Variants in EGFLAM observed in about 807,000 individuals in gnomAD.
EGFLAM encodes the protein EGF like, fibronectin type III and laminin G domains.
A neutral mutation model predicts 113.1 loss-of-function variants in EGFLAM; 79 were observed. That is an observed-to-expected ratio of 0.70 (90% CI 0.58 to 0.84). The LOEUF (loss-of-function observed/expected upper bound fraction) is 0.84, where lower values mean the gene tolerates loss of function less well. EGFLAM is among the 40% of genes least tolerant of loss of function. The pLI is 0.00. For synonymous variants in EGFLAM, 504 were observed against 487.6 expected (o/e 1.03, Z -0.44); for missense variants, 1,265 against 1,291.6 (o/e 0.98, Z 0.32).
chr5:38,272,240 G>A (rs1757781748), intron 1 of EGFLAM, among the ~76,000 whole-genome samples: 1 of 152,166 alleles, frequency 6.6e-6, no homozygotes, highest in Admixed American at 6.5e-5. Flanking sequence ...AATGCATGGG[G>A]CTGCCTCAGA....
intron 6 of EGFLAM, among the ~76,000 whole-genome samples, chr5:38,384,631 G>A (rs557200956): frequency 1.2e-3 from 178 of 152,232 alleles, no homozygotes; most frequent in Non-Finnish European, 2.1e-3. Flanking sequence ...AAAATCCTGC[G>A]GTTAGACTGA....
intron 1 of EGFLAM, among the ~76,000 whole-genome samples, chr5:38,279,208 G>A (rs2367212): frequency 0.16 from 23,831 of 152,066 alleles, 2,113 homozygotes; most frequent in Non-Finnish European, 0.2. Context: ...TATCAAAAAG[G>A]CAAAAGATAA....
chr5:38,420,061 A>T (rs549034723), intron 12 of EGFLAM, among the ~76,000 whole-genome samples: 27 of 152,240 alleles, frequency 1.8e-4, no homozygotes, highest in Admixed American at 1.7e-3. Context: ...AAAACAAAAC[A>T]AAAAACCAAT....
chr5:38,342,847 T>C (rs1175419593), intron 3 of EGFLAM, among the ~76,000 whole-genome samples: 2 of 152,210 alleles, frequency 1.3e-5, no homozygotes, highest in Non-Finnish European at 2.9e-5. Flanking sequence ...TAATATATTA[T>C]GTACATTATA....
chr5:38,431,609 G>A (rs185459483), intron 15 of EGFLAM, among the ~76,000 whole-genome samples: 1 of 152,222 alleles, frequency 6.6e-6, no homozygotes, highest in African/African-American at 2.4e-5. Flanking sequence ...GCAAGTAGTA[G>A]GTAAGAACAT....
At chr5:38,277,278 T>G (rs1757907126) in intron 1 of EGFLAM, among the ~76,000 whole-genome samples, 1 of 152,190 alleles carries the variant, frequency 6.6e-6, no homozygotes, top group Non-Finnish European at 1.5e-5. Flanking sequence ...TCAATAAATG[T>G]GATACCTCAC....
chr5:38,349,961 A>G (rs1269955503), intron 3 of EGFLAM, among the ~76,000 whole-genome samples: 1 of 85,424 alleles, frequency 1.2e-5, no homozygotes, highest in South Asian at 3.9e-4. Flanking sequence ...GTACACACAC[A>G]CACACACACA....
intron 5 of EGFLAM, among the ~76,000 whole-genome samples, chr5:38,353,463 C>G (rs60507696): frequency 0.045 from 6,819 of 152,206 alleles, 513 homozygotes; most frequent in African/African-American, 0.15. Context: ...CTAAGGCTCT[C>G]TGAAGCTGGG....
intron 5 of EGFLAM, among the ~76,000 whole-genome samples, chr5:38,357,187 T>A (rs1243874523): frequency 6.6e-6 from 1 of 151,996 alleles, no homozygotes; most frequent in Non-Finnish European, 1.5e-5. Context: ...GCTTGGGAGA[T>A]CAAGGCTGCA....
At chr5:38,321,151 A>G (rs560908973) in intron 1 of EGFLAM, among the ~76,000 whole-genome samples, 6 of 152,200 alleles carry the variant, frequency 3.9e-5, no homozygotes, top group African/African-American at 1.4e-4. Flanking sequence ...TTGTTTTCCT[A>G]CAACTAGACA....
At chr5:38,286,340 G>A (rs2111774249) in intron 1 of EGFLAM, 1 of 152,368 alleles carries the variant, frequency 6.6e-6, no homozygotes, top group South Asian at 2.1e-4. Context: ...TCTCATTTCT[G>A]CTTTTCCAGG....
At chr5:38,427,724 T>C (rs1271926024) in intron 14 of EGFLAM, among the ~76,000 whole-genome samples, 1 of 152,230 alleles carries the variant, frequency 6.6e-6, no homozygotes. Flanking sequence ...ATATTCACTT[T>C]CCTCTTGAAC....
chr5:38,352,375 G>A (rs773225572), intron 5 of EGFLAM, 44 bp downstream of exon 5: 130 of 1,605,830 alleles, frequency 8.1e-5, no homozygotes, highest in South Asian at 1.2e-4. Flanking sequence ...TGTGCTGGGC[G>A]CGGTGGCTCA....
chr5:38,310,916 T>G (rs576929511), intron 1 of EGFLAM, among the ~76,000 whole-genome samples: 2 of 152,214 alleles, frequency 1.3e-5, no homozygotes, highest in East Asian at 3.9e-4. Flanking sequence ...CCACAGAGCC[T>G]TGTGATGGGG....
intron 6 of EGFLAM, among the ~76,000 whole-genome samples, chr5:38,392,420 C>T (rs115435916): frequency 0.031 from 4,776 of 152,166 alleles, 239 homozygotes; most frequent in African/African-American, 0.11. Context: ...AATGAACATC[C>T]GCATGTATGT....
At chr5:38,306,167 A>G (rs1415329796) in intron 1 of EGFLAM, among the ~76,000 whole-genome samples, 2 of 152,250 alleles carry the variant, frequency 1.3e-5, no homozygotes, top group African/African-American at 4.8e-5. Context: ...GAGCAGTCTA[A>G]TAAATGATTC....
At chr5:38,375,379 C>A (rs1343318782) in intron 6 of EGFLAM, among the ~76,000 whole-genome samples, 1 of 152,192 alleles carries the variant, frequency 6.6e-6, no homozygotes, top group Admixed American at 6.5e-5. Flanking sequence ...TCACTCCTCT[C>A]TGTCTCCATG....
At chr5:38,330,592 G>A (rs921284998) in intron 1 of EGFLAM, among the ~76,000 whole-genome samples, 4 of 152,024 alleles carry the variant, frequency 2.6e-5, no homozygotes, top group Admixed American at 6.6e-5. Flanking sequence ...TACCTAGAGC[G>A]TTTCTATTTT....
chr5:38,272,427 T>C (rs1235796083), intron 1 of EGFLAM, among the ~76,000 whole-genome samples: 1 of 152,170 alleles, frequency 6.6e-6, no homozygotes, highest in Non-Finnish European at 1.5e-5. Context: ...ATCGGAGGTA[T>C]GATTGAAAAG....
Sources: gnomAD v4.1 joint callset for allele counts (sites outside exome capture counted in the v4.1 genomes callset) on GRCh38, gnomAD v4.1.1 for gene constraint, MANE v1.5 for transcripts, NCBI Gene and HGNC (gene_info 2026-07-23, HGNC 2026-07-21) for gene names.